Variants in RET observed in about 807,000 individuals in gnomAD.
The protein encoded by RET is ret proto-oncogene.
Under a neutral mutation model 118.3 loss-of-function variants are expected in RET, and 19 were observed. The observed-to-expected ratio is 0.16, with a 90% CI of 0.11 to 0.24. The LOEUF is 0.24. RET is among the 10% of genes least tolerant of loss of function. The pLI is 1.00. For missense variants in RET, 1,219 were observed against 1,502.1 expected (o/e 0.81, Z 3.12); for synonymous variants, 597 against 644.1 (o/e 0.93, Z 1.11).
At position 43,112,142 on chromosome 10, in the gene RET, C is replaced by T. The variant is rs929663686; in HGVS notation, c.1566C>T (p.Ser522=). 18 of 1,597,900 alleles carry T rather than the reference C, an allele frequency of 1.1e-5. No individual in the cohort carries two copies. Among genetic ancestry groups the T allele is most frequent in the Non-Finnish European group, 1.5e-5 (17 of 1,172,264 alleles). ...GCTGCCCCCTGTCCTGTGCAGTCAG[C>T]AAGAGACGGCTGGAGTGTGAGGAGT... ...EAGCPLSCAV[S]KRRLECEECG... The change falls in exon 8 of 20, where the codon AGC becomes AGT. Residue 522 remains serine (S), a synonymous_variant. Transcript: ENST00000355710.
intron 12 of RET, among the ~76,000 whole-genome samples, chr10:43,117,194 C>T (rs1838092801): frequency 1.3e-5 from 2 of 152,386 alleles, no homozygotes; most frequent in South Asian, 2.1e-4. Context: ...CACAGGCATG[C>T]GACTGCACTG....
intron 1 of RET, among the ~76,000 whole-genome samples, chr10:43,094,082 G>A (rs909084412): frequency 6.6e-6 from 1 of 151,312 alleles, no homozygotes; most frequent in African/African-American, 2.4e-5. Context: ...GGAAGTGGGA[G>A]GGAAGCGGTG....
At chr10:43,127,594 C>T in intron 19 of RET, 1 of 485,620 alleles carries the variant, frequency 2.1e-6, no homozygotes, top group Non-Finnish European at 2.8e-6. Context: ...TTGCATGCCT[C>T]CTGACTCACT....
chr10:43,079,932 C>T (rs1191944393), intron 1 of RET, among the ~76,000 whole-genome samples: 1 of 152,196 alleles, frequency 6.6e-6, no homozygotes, highest in South Asian at 2.1e-4. Flanking sequence ...TTGCTTCCTC[C>T]TCCACTCCAG....
chr10:43,129,169 C>A lies in RET; in HGVS notation c.*900C>A. On this transcript the variant is annotated 3_prime_UTR_variant, in exon 20 of 20. Coordinates refer to ENST00000355710, the MANE Select transcript of RET (RefSeq NM_020975.6). ...TCCCACCTGCCACCAGCCTGCAGCA[C>A]ACCCCACAGCCAAGTAGAGGCGAAA... 5 of 233,546 alleles carry A rather than the reference C, an allele frequency of 2.1e-5. No homozygotes were observed. Among genetic ancestry groups the A allele is most frequent in the Non-Finnish European group, 4.2e-5 (5 of 118,120 alleles). 14.5% of individuals were successfully genotyped at this position (233,546 alleles called of 1,614,324 possible).
rs1588874330 is a variant in RET, at chr10:43,114,663, C to T, written c.2063C>T (p.Ser688Phe). ...GCCCAGGCCTTCCCGGTCAGCTACT[C>T]CTCTTCCGGTGCCCGCCGGCCCTCG... ...RPAQAFPVSY[S>F]SSGARRPSLD... Residue 688 changes from serine to phenylalanine, a missense_variant, in exon 11 of 20, where the codon TCC becomes TTC. Ser to Phe is a radical substitution (Grantham distance 155). This residue lies in a region of RET where 850 missense variants were observed against 969.6 expected (regional missense o/e 0.88). Coordinates refer to ENST00000355710, the MANE Select transcript of RET (RefSeq NM_020975.6). The surrounding 1 kb of genome is among the most constrained non-coding windows in gnomAD (Gnocchi z 4.6). 3 of 1,612,916 alleles carry T rather than the reference C, an allele frequency of 1.9e-6. No individual in the cohort carries two copies. The highest frequency in any genetic ancestry group is 1.3e-5 in the African/African-American group (1 of 74,926).
At position 43,114,395 on chromosome 10, in the gene RET, A is replaced by C; in HGVS notation, c.1880-85A>C. ...CTGGCGCGGACACGGCAGGCTGGAGAGCCATGAGGCAGAGCATACGCAGCC... is the reference window on the plus strand; with the variant it reads ...CTGGCGCGGACACGGCAGGCTGGAGCGCCATGAGGCAGAGCATACGCAGCC... On this transcript the variant is annotated intron_variant, in intron 10 of 19. Coordinates refer to ENST00000355710, the MANE Select transcript of RET (RefSeq NM_020975.6). The surrounding 1 kb of genome is among the most constrained non-coding windows in gnomAD (Gnocchi z 4.6). 1 of 1,570,000 alleles carries C rather than the reference A, an allele frequency of 6.4e-7. No individual in the cohort carries two copies. Among genetic ancestry groups the C allele is most frequent in the Non-Finnish European group, 8.6e-7 (1 of 1,158,932 alleles).
chr10:43,124,016 G>A (rs190269820), intron 17 of RET, among the ~76,000 whole-genome samples: 63 of 152,230 alleles, frequency 4.1e-4, no homozygotes, highest in African/African-American at 1.5e-3. Context: ...CTTCCTAGGG[G>A]GTCTTATAAA....
intron 1 of RET, among the ~76,000 whole-genome samples, chr10:43,088,230 A>AATGGTGGTGGTG (rs1837333879): frequency 7.3e-6 from 1 of 137,656 alleles, no homozygotes; most frequent in East Asian, 2.2e-4. Flanking sequence ...TGGTGGAGGC[A>AATGGTGGTGGTG]ATGGTGGTGG....
rs1588880984 is a variant in RET, at chr10:43,126,604, A to G, written c.3069A>G (p.Pro1023=). Residue 1023 remains proline (P), a synonymous_variant, in exon 19 of 20, where the codon CCA becomes CCG. Transcript: ENST00000355710. ...RDYLDLAAST[P]SDSLIYDDGL... is the part of the protein sequence containing the mutation. ...ACTTGGACCTTGCGGCGTCCACTCCATCTGACTCCCTGATTTATGACGACG... is the reference window on the plus strand; with the variant it reads ...ACTTGGACCTTGCGGCGTCCACTCCGTCTGACTCCCTGATTTATGACGACG... The G allele has an allele frequency of 1.2e-6, 2 of 1,614,164 alleles. No homozygotes were observed. The highest frequency in any genetic ancestry group is 1.7e-6 in the Non-Finnish European group (2 of 1,180,026).
rs188882445 is a variant in RET, at chr10:43,130,175, C to T, written c.*1906C>T. The stretch of plus-strand genomic sequence containing the variant: ...TTAGCTCTACTGGAATTTTCATACA[C>T]GTAAATGCAGAAGTTACTAAGTATT... On this transcript the variant is annotated 3_prime_UTR_variant, in exon 20 of 20. Transcript: ENST00000355710. 5 of 396,260 alleles carry T rather than the reference C, an allele frequency of 1.3e-5. No individual in the cohort carries two copies. Among genetic ancestry groups the T allele is most frequent in the South Asian group, 1.4e-4 (1 of 7,064 alleles). 24.5% of individuals were successfully genotyped at this position (396,260 alleles called of 1,614,324 possible).
intron 18 of RET, among the ~76,000 whole-genome samples, chr10:43,125,932 A>G (rs1057130871): frequency 2.0e-5 from 3 of 152,202 alleles, no homozygotes; most frequent in African/African-American, 4.8e-5. Flanking sequence ...GTGCTGAGAA[A>G]CAGCCGGGAA....
chr10:43,120,461 G>A (rs904402921), intron 15 of RET, among the ~76,000 whole-genome samples: 5 of 152,202 alleles, frequency 3.3e-5, no homozygotes, highest in African/African-American at 9.6e-5. Context: ...GGCCCTTGCC[G>A]CACTTTTCAG....
chr10:43,128,406 G>C lies in RET; in HGVS notation c.*137G>C. 9.7e-7 allele frequency: 1 copy of C among 1,033,546 alleles called. No individual in the cohort carries two copies. The highest frequency in any genetic ancestry group is 1.5e-6 in the Non-Finnish European group (1 of 677,434). 64.0% of individuals were successfully genotyped at this position (1,033,546 alleles called of 1,614,324 possible). The stretch of plus-strand genomic sequence containing the variant: ...CCAGGTGGCAGACTCGTTTTTGGTA[G>C]TTTGTTTTAACTTCCAAGGTGGTTT... On this transcript the variant is annotated 3_prime_UTR_variant, in exon 20 of 20. Transcript: ENST00000355710.
intron 8 of RET, 132 bp from the exon 9 acceptor site, chr10:43,112,721 C>G (rs2132810749): frequency 2.7e-6 from 2 of 738,250 alleles, no homozygotes; most frequent in Middle Eastern, 6.6e-4. Flanking sequence ...GCTGGCAAGG[C>G]TCTGTATATG....
chr10:43,122,092 G>T, intron 16 of RET, 76 bp downstream of exon 16: 2 of 1,172,944 alleles, frequency 1.7e-6, no homozygotes, highest in South Asian at 1.2e-5. Context: ...CACGACGCCC[G>T]TCTGTGCAGC....
At chr10:43,115,859 C>T (rs913831368) in intron 11 of RET, among the ~76,000 whole-genome samples, 2 of 152,220 alleles carry the variant, frequency 1.3e-5, no homozygotes, top group Non-Finnish European at 2.9e-5. Flanking sequence ...ATGGCAGTGT[C>T]GACACTGACC....
intron 13 of RET, 33 bp from the exon 14 acceptor site, chr10:43,119,498 C>T (rs544980274): frequency 2.1e-5 from 33 of 1,564,108 alleles, no homozygotes; most frequent in South Asian, 1.2e-4. Flanking sequence ...CTGCCTGACC[C>T]GCACGCCCAG....
chr10:43,079,532 A>G (rs558635450), intron 1 of RET, among the ~76,000 whole-genome samples: 7 of 152,350 alleles, frequency 4.6e-5, no homozygotes, highest in African/African-American at 1.7e-4. Flanking sequence ...GGATGAGGAA[A>G]CTGAGTCTCA....
Sources: allele counts gnomAD v4.1 joint callset (sites outside exome capture counted in the v4.1 genomes callset), GRCh38; gene constraint gnomAD v4.1.1; regional missense constraint gnomAD v4.1.1; non-coding constraint Gnocchi (gnomAD v3.1); transcripts MANE v1.5; gene names NCBI Gene and HGNC (gene_info 2026-07-23, HGNC 2026-07-21).